Variants in GRIA4 observed in about 807,000 individuals in gnomAD.
GRIA4 encodes the protein glutamate ionotropic receptor AMPA type subunit 4.
GRIA4 carries 34 observed loss-of-function variants against 104.0 expected under a neutral mutation model. The observed-to-expected ratio is 0.33, with a 90% CI of 0.25 to 0.44. GRIA4 has a LOEUF of 0.44. Among genes scored for constraint, GRIA4 ranks in the 20% least tolerant of loss-of-function variants. The pLI, the probability that GRIA4 is intolerant of heterozygous loss-of-function variation, is 1.00. For missense variants in GRIA4, 750 were observed against 1,096.5 expected (o/e 0.68, Z 4.46); for synonymous variants, 386 against 381.9 (o/e 1.01, Z -0.13).
At chr11:105,681,428 G>A (rs1242025657) in intron 3 of GRIA4, among the ~76,000 whole-genome samples, 1 of 152,162 alleles carries the variant, frequency 6.6e-6, no homozygotes, top group African/African-American at 2.4e-5. Context: ...GCTTCAATTA[G>A]AAGCTCTAAG....
chr11:105,816,978 C>G (rs577950571), intron 4 of GRIA4, among the ~76,000 whole-genome samples: 20 of 125,454 alleles, frequency 1.6e-4, no homozygotes, highest in African/African-American at 6.2e-4. Flanking sequence ...TATGATTGTG[C>G]TACTGAATTC....
At chr11:105,917,525 T>C (rs1947439241) in intron 10 of GRIA4, among the ~76,000 whole-genome samples, 1 of 152,190 alleles carries the variant, frequency 6.6e-6, no homozygotes, top group African/African-American at 2.4e-5. Flanking sequence ...ACTTCCCCAA[T>C]TATGAACTTT....
intron 6 of GRIA4, among the ~76,000 whole-genome samples, chr11:105,895,457 A>G (rs2136120925): frequency 6.6e-6 from 1 of 152,210 alleles, no homozygotes; most frequent in Admixed American, 6.5e-5. Flanking sequence ...AAAGGTGATA[A>G]ATGGGTAGAT....
chr11:105,646,320 G>A (rs185590154), intron 3 of GRIA4, among the ~76,000 whole-genome samples: 99 of 152,274 alleles, frequency 6.5e-4, no homozygotes, highest in Admixed American at 1.7e-3. Flanking sequence ...CAAGATGGAC[G>A]TGGTGGCTCC....
intron 2 of GRIA4, 43 bp from the exon 3 acceptor site, chr11:105,612,233 C>T: frequency 6.3e-7 from 1 of 1,596,008 alleles, no homozygotes; most frequent in Non-Finnish European, 8.6e-7. Flanking sequence ...ATAATGTTGA[C>T]AAGAGGAAAC....
chr11:105,697,718 T>TG (rs916685217), intron 3 of GRIA4, among the ~76,000 whole-genome samples: 3 of 151,922 alleles, frequency 2.0e-5, no homozygotes, highest in East Asian at 3.9e-4. Flanking sequence ...TGTTTAAGAG[T>TG]GGGGGGAGGG....
chr11:105,924,628 G>A lies in GRIA4; in HGVS notation c.1706G>A (p.Ser569Asn). Residue 569 changes from serine to asparagine, a missense_variant, in exon 12 of 17, where the codon AGT becomes AAT. Ser to Asn is a conservative substitution (Grantham distance 46). This residue lies in a region of GRIA4 where 272 missense variants were observed against 524.5 expected (regional missense o/e 0.52). Coordinates refer to ENST00000282499, the MANE Select transcript of GRIA4 (RefSeq NM_000829.4). ...SVVLFLVSRF[S>N]PYEWHTEEPE... ...GTCTTATTCCTAGTTAGTAGATTTAGTCCATATGAGTGGCACACAGAAGAG... is the reference window on the plus strand; with the variant it reads ...GTCTTATTCCTAGTTAGTAGATTTAATCCATATGAGTGGCACACAGAAGAG... 6.2e-7 allele frequency: 1 copy of A among 1,613,074 alleles called. No individual in the cohort carries two copies. Among genetic ancestry groups the A allele is most frequent in the South Asian group, 1.1e-5 (1 of 91,062 alleles).
intron 4 of GRIA4, among the ~76,000 whole-genome samples, chr11:105,850,234 G>A (rs1944753375): frequency 6.6e-6 from 1 of 152,096 alleles, no homozygotes; most frequent in South Asian, 2.1e-4. Flanking sequence ...AGTTATATAA[G>A]TTATTGTAGA....
At chr11:105,643,426 C>T (rs1265204161) in intron 3 of GRIA4, among the ~76,000 whole-genome samples, 8 of 152,088 alleles carry the variant, frequency 5.3e-5, no homozygotes, top group Non-Finnish European at 1.5e-5. Context: ...CCTCTAGGTA[C>T]AATTATTTAA....
At chr11:105,681,318 G>C (rs2135465888) in intron 3 of GRIA4, among the ~76,000 whole-genome samples, 1 of 152,232 alleles carries the variant, frequency 6.6e-6, no homozygotes, top group East Asian at 1.9e-4. Context: ...AAAGAGATGG[G>C]GGATGAAACA....
At chr11:105,739,726 A>C (rs555858198) in intron 3 of GRIA4, among the ~76,000 whole-genome samples, 1 of 152,280 alleles carries the variant, frequency 6.6e-6, no homozygotes, top group East Asian at 1.9e-4. Context: ...TATCATTTTA[A>C]CATCAAATAA....
rs146222665 is a variant in GRIA4, at chr11:105,634,205, C to T, written c.247+21771C>T. 2.0e-3 allele frequency among the ~76,000 whole-genome samples: 305 copies of T among 151,638 alleles called. 6 individuals are homozygous for T. Among genetic ancestry groups the T allele is most frequent in the Admixed American group, 0.015 (233 of 15,204 alleles). On this transcript the variant is annotated intron_variant, in intron 3 of 16. Coordinates refer to ENST00000282499, the MANE Select transcript of GRIA4 (RefSeq NM_000829.4). ...CTACTAAAAATACAAAAATTAGCAG[C>T]ATGTGGTGGCACGCACTTGTAGTCC...
chr11:105,616,640 A>G (rs1950608342), intron 3 of GRIA4, among the ~76,000 whole-genome samples: 1 of 151,702 alleles, frequency 6.6e-6, no homozygotes. Flanking sequence ...AAGGCATTCT[A>G]AGAGTTTACA....
intron 3 of GRIA4, among the ~76,000 whole-genome samples, chr11:105,743,437 GC>G (rs1322722105): frequency 5.3e-5 from 8 of 152,240 alleles, no homozygotes; most frequent in African/African-American, 1.9e-4. Flanking sequence ...GACTTCATCT[GC>G]CAGGTCTCCT....
At chr11:105,857,178 A>G (rs1302681219) in intron 4 of GRIA4, among the ~76,000 whole-genome samples, 1 of 152,074 alleles carries the variant, frequency 6.6e-6, no homozygotes, top group Non-Finnish European at 1.5e-5. Context: ...TCCAACCTAA[A>G]TGGTTATTAA....
Position 105,615,046 on chromosome 11 carries a change from CATAAT to C in GRIA4, c.247+2615_247+2619del, listed in dbSNP as rs775843102. On this transcript the variant is annotated intron_variant, in intron 3 of 16. Transcript: ENST00000282499. The stretch of plus-strand genomic sequence containing the variant: ...TGTCATGTTAGATTAAATATAAAGA[CATAAT>C]ATGTGGCTGGTTAAGTTTATTTTAG... Among the ~76,000 whole-genome samples, 149 of 151,888 alleles carry C rather than the reference CATAAT, an allele frequency of 9.8e-4. 1 individual carries two copies. In the Middle Eastern group the frequency reaches 0.02, roughly 21 times the overall value.
chr11:105,738,578 A>G (rs1365590942), intron 3 of GRIA4, among the ~76,000 whole-genome samples: 1 of 152,150 alleles, frequency 6.6e-6, no homozygotes, highest in Non-Finnish European at 1.5e-5. Flanking sequence ...ACCCACTCAA[A>G]TATCTGCCCA....
chr11:105,951,496 G>C (rs1292596454), intron 14 of GRIA4, among the ~76,000 whole-genome samples: 1 of 152,144 alleles, frequency 6.6e-6, no homozygotes, highest in Non-Finnish European at 1.5e-5. Flanking sequence ...TGAGCACAGT[G>C]ATAACAACAA....
intron 14 of GRIA4, among the ~76,000 whole-genome samples, chr11:105,948,509 TA>T (rs1171496110): frequency 6.6e-6 from 1 of 151,190 alleles, no homozygotes; most frequent in East Asian, 1.9e-4. Context: ...ATTTTTAAAA[TA>T]AAAATAAATT....
Sources: gnomAD v4.1 joint callset for allele counts (sites outside exome capture counted in the v4.1 genomes callset) on GRCh38, gnomAD v4.1.1 for gene constraint, gnomAD v4.1.1 regional missense constraint, MANE v1.5 for transcripts, NCBI Gene and HGNC (gene_info 2026-07-23, HGNC 2026-07-21) for gene names.